Variants in CLHC1 observed in about 807,000 individuals in gnomAD.
CLHC1 encodes the protein clathrin heavy chain linker domain-containing protein 1.
A neutral mutation model predicts 69.5 loss-of-function variants in CLHC1; 72 were observed. That is an observed-to-expected ratio of 1.04 (90% CI 0.86 to 1.26). The LOEUF (loss-of-function observed/expected upper bound fraction) is 1.26, where lower values mean the gene tolerates loss of function less well. Among genes scored for constraint, CLHC1 ranks in the 50% most tolerant of loss-of-function variants. CLHC1 has a pLI of 0.00. For synonymous variants in CLHC1, 223 were observed against 224.3 expected (o/e 0.99, Z 0.05); for missense variants, 790 against 679.3 (o/e 1.16, Z -1.81).
intron 9 of CLHC1, among the ~76,000 whole-genome samples, chr2:55,194,474 T>C (rs1413589028): frequency 6.6e-6 from 1 of 151,884 alleles, no homozygotes; most frequent in Non-Finnish European, 1.5e-5. Context: ...GCTTTATCCC[T>C]AAGATCATGA....
At chr2:55,212,613 T>C (rs936116433) in intron 5 of CLHC1, 60 bp downstream of exon 5, 1 of 1,316,186 alleles carries the variant, frequency 7.6e-7, no homozygotes, top group African/African-American at 1.5e-5. Flanking sequence ...AATGCATGCC[T>C]TAGGTAAAAA....
At chr2:55,209,253 G>C in intron 7 of CLHC1, 151 bp downstream of exon 7, 1 of 591,610 alleles carries the variant, frequency 1.7e-6, no homozygotes, top group South Asian at 2.3e-5. Flanking sequence ...TCTGTTAGCT[G>C]TTGAAGGAAG....
At chr2:55,217,006 T>G (rs1483163109) in intron 4 of CLHC1, among the ~76,000 whole-genome samples, 1 of 151,568 alleles carries the variant, frequency 6.6e-6, no homozygotes, top group Non-Finnish European at 1.5e-5. Context: ...AAAATTAGTC[T>G]GACATAGCAA....
chr2:55,180,032 T>C (rs1669768004), intron 11 of CLHC1, among the ~76,000 whole-genome samples: 1 of 151,842 alleles, frequency 6.6e-6, no homozygotes, highest in Non-Finnish European at 1.5e-5. Context: ...CGGGCACCTG[T>C]AGTCCCAGCT....
intron 2 of CLHC1, chr2:55,224,100 T>TCATTGG (rs1344815691): frequency 1.2e-5 from 2 of 166,708 alleles, no homozygotes; most frequent in African/African-American, 4.8e-5. Context: ...CAGCTGATCG[T>TCATTGG]TAACCTTAAA....
At chr2:55,220,714 G>T (rs1372364995) in intron 3 of CLHC1, among the ~76,000 whole-genome samples, 1 of 152,030 alleles carries the variant, frequency 6.6e-6, no homozygotes. Flanking sequence ...TTAACACTTG[G>T]GCATGCAAAG....
rs555622291 is a variant in CLHC1 at position 55,195,734 on chromosome 2, G to A, written c.1006+10536C>T. On this transcript the variant is annotated intron_variant, in intron 9 of 12. Coordinates refer to ENST00000401408, the MANE Select transcript of CLHC1 (RefSeq NM_152385.4). ...GGAGAATCACTTGAACCCAGGAGGC[G>A]GAGGATGCAGTGAGCCGTTGCACCA... Among the ~76,000 whole-genome samples, 11 of 152,254 alleles carry A rather than the reference G, an allele frequency of 7.2e-5. No homozygotes were observed. The South Asian group carries it at 1.2e-3, about 17-fold the overall frequency.
intron 11 of CLHC1, among the ~76,000 whole-genome samples, chr2:55,179,888 C>G (rs188662237): frequency 4.4e-4 from 67 of 152,304 alleles, no homozygotes; most frequent in African/African-American, 1.5e-3. Context: ...GGTGCGGTGG[C>G]TCACATCTGC....
intron 2 of CLHC1, among the ~76,000 whole-genome samples, chr2:55,223,212 C>T (rs2104079995): frequency 6.6e-6 from 1 of 152,180 alleles, no homozygotes; most frequent in South Asian, 2.1e-4. Flanking sequence ...CCTAGCTTCA[C>T]CCAGCACACA....
intron 9 of CLHC1, among the ~76,000 whole-genome samples, chr2:55,202,363 C>G (rs1331656935): frequency 6.6e-6 from 1 of 151,640 alleles, no homozygotes; most frequent in East Asian, 1.9e-4. Context: ...CGAGATCAGC[C>G]TGATCAACAT....
chr2:55,212,457 T>G (rs1265715749), intron 5 of CLHC1, among the ~76,000 whole-genome samples: 1 of 152,182 alleles, frequency 6.6e-6, no homozygotes, highest in East Asian at 1.9e-4. Flanking sequence ...GCCACTGCAT[T>G]ACACTTTATA....
chr2:55,226,653 A>G (rs1422263598), intron 2 of CLHC1, among the ~76,000 whole-genome samples: 1 of 152,184 alleles, frequency 6.6e-6, no homozygotes, highest in Non-Finnish European at 1.5e-5. Context: ...TTTTGTTTTG[A>G]GACAGTCTTG....
chr2:55,229,774 T>C (rs1269400428), intron 1 of CLHC1, among the ~76,000 whole-genome samples: 2 of 152,184 alleles, frequency 1.3e-5, no homozygotes, highest in Non-Finnish European at 2.9e-5. Context: ...TGACTTAACA[T>C]TTTAAAGAAT....
At chr2:55,183,982 T>C (rs918525920) in intron 9 of CLHC1, among the ~76,000 whole-genome samples, 4 of 152,188 alleles carry the variant, frequency 2.6e-5, no homozygotes, top group African/African-American at 9.7e-5. Context: ...GGTGTCACCA[T>C]GTTGGCCAGG....
chr2:55,220,016 T>C (rs924523233), intron 3 of CLHC1, among the ~76,000 whole-genome samples: 2 of 152,176 alleles, frequency 1.3e-5, no homozygotes, highest in African/African-American at 4.8e-5. Flanking sequence ...ATTACAGACA[T>C]GAGCTACTAC....
intron 9 of CLHC1, among the ~76,000 whole-genome samples, chr2:55,198,101 C>A (rs1004360842): frequency 3.3e-5 from 5 of 152,058 alleles, no homozygotes; most frequent in African/African-American, 1.2e-4. Context: ...CAGAATTAAT[C>A]AAGCAGATTA....
At position 55,209,536 on chromosome 2, in the gene CLHC1, CAAT is replaced by C; in HGVS notation, c.702-23_702-21del. 6.3e-7 allele frequency: 1 copy of C among 1,578,932 alleles called. No individual in the cohort carries two copies. Among genetic ancestry groups the C allele is most frequent in the Non-Finnish European group, 8.7e-7 (1 of 1,153,680 alleles). ...TGATGACTAAAAAGATAAAAAACGT[CAAT>C]AACACACTGAGCCTAAAATCAAATG... is the stretch of plus-strand genomic sequence containing the variant. On this transcript the variant is annotated intron_variant, in intron 6 of 12. Coordinates refer to ENST00000401408, the MANE Select transcript of CLHC1 (RefSeq NM_152385.4).
At chr2:55,214,084 A>G (rs1673259413) in intron 4 of CLHC1, among the ~76,000 whole-genome samples, 1 of 152,192 alleles carries the variant, frequency 6.6e-6, no homozygotes, top group African/African-American at 2.4e-5. Context: ...CTAAAACTGA[A>G]TGGTGCAGAG....
At chr2:55,205,227 A>G (rs749002474) in intron 9 of CLHC1, among the ~76,000 whole-genome samples, 11 of 152,210 alleles carry the variant, frequency 7.2e-5, no homozygotes, top group Non-Finnish European at 1.5e-4. Context: ...AGAGCTAAAA[A>G]TAGAACTACC....
Sources: gnomAD v4.1 joint callset for allele counts (sites outside exome capture counted in the v4.1 genomes callset) on GRCh38, gnomAD v4.1.1 for gene constraint, MANE v1.5 for transcripts, NCBI Gene and HGNC (gene_info 2026-07-23, HGNC 2026-07-21) for gene names.